Variants in EP400 observed in about 807,000 individuals in gnomAD.
EP400 encodes the protein E1A binding protein p400.
Under a neutral mutation model 354.1 loss-of-function variants are expected in EP400, and 105 were observed. That is an observed-to-expected ratio of 0.30 (90% confidence interval 0.25 to 0.35). The LOEUF is 0.35. Ranked by LOEUF, EP400 falls within the 10% of genes least tolerant of loss-of-function variation. The pLI, the probability that EP400 is intolerant of heterozygous loss-of-function variation, is 1.00. For synonymous variants in EP400, 1,646 were observed against 1,716.9 expected (o/e 0.96, Z 1.02); for missense variants, 3,280 against 4,121.0 (o/e 0.80, Z 5.59).
rs1893822898 is a variant in EP400 at position 132,013,264 on chromosome 12, C to T, written c.3611+86C>T. 6 of 1,483,042 alleles carry T rather than the reference C, an allele frequency of 4.0e-6. No homozygotes were observed. The highest frequency in any genetic ancestry group is 4.5e-6 in the Non-Finnish European group (5 of 1,106,200). The allele number at this position is 1,483,042 out of a possible 1,614,324, so 91.9% of individuals were successfully genotyped here. A position where few individuals can be genotyped will look rare whatever the true frequency, so the allele number is the denominator to read the frequency against. Reference sequence around the variant, plus strand: ...GAAGAAATCTGCATAATTGCAGACACAAACAATGGCCTTTGAGCTAGAGAA... The same window carrying T: ...GAAGAAATCTGCATAATTGCAGACATAAACAATGGCCTTTGAGCTAGAGAA... On this transcript the variant is annotated intron_variant, in intron 17 of 52. Transcript: ENST00000389561. This position sits in a 1 kb window ranked among gnomAD's most constrained non-coding sequence, Gnocchi z 4.5.
rs958454661 is a variant in EP400 at position 131,960,114 on chromosome 12, G to A, written c.-35-471G>A. On this transcript the variant is annotated intron_variant, in intron 1 of 52. Coordinates refer to ENST00000389561, the MANE Select transcript of EP400 (RefSeq NM_015409.5). ...GAGTTGTCCCTCCATAGGGAGAGAC[G>A]GGCGGAAGCCGGAAAGTCCACAGCG... is the stretch of plus-strand genomic sequence containing the variant. 6.6e-5 allele frequency among the ~76,000 whole-genome samples: 10 copies of A among 152,352 alleles called. No homozygotes were observed. In the South Asian group the frequency reaches 1.2e-3, roughly 19 times the overall value.
chr12:132,029,545 C>T lies in EP400; in HGVS notation c.5382-156C>T, dbSNP rs971889079. 40 of 776,220 alleles carry T rather than the reference C, an allele frequency of 5.2e-5. No homozygotes were observed. The highest frequency in any genetic ancestry group is 3.2e-4 in the South Asian group (18 of 56,696). 48.1% of individuals were successfully genotyped at this position (776,220 alleles called of 1,614,324 possible). On this transcript the variant is annotated intron_variant, in intron 27 of 52. Coordinates refer to ENST00000389561, the MANE Select transcript of EP400 (RefSeq NM_015409.5). This position sits in a 1 kb window ranked among gnomAD's most constrained non-coding sequence, Gnocchi z 4.7. ...GGATCTGCCTCGTTGGGCCCCTGCC[C>T]GTGTGCCAACACCCACATCCCCATG...
At chr12:131,968,999 A>AT (rs1347656057) in intron 2 of EP400, among the ~76,000 whole-genome samples, 3 of 149,474 alleles carry the variant, frequency 2.0e-5, no homozygotes, top group African/African-American at 4.9e-5. Context: ...ATAGAGCAGG[A>AT]TTTTTTTTCT....
rs975161896 is a variant in EP400, at chr12:132,067,870, G to A, written c.8874+384G>A. Among the ~76,000 whole-genome samples, 1 of 152,284 alleles carries A rather than the reference G, an allele frequency of 6.6e-6. No individual in the cohort carries two copies. The highest frequency in any genetic ancestry group is 6.5e-5 in the Admixed American group (1 of 15,308). ...ACAGGACCCGCCTGGACTCCTGCTG[G>A]AGGACAGGGATGCCGTACAGTCTGG... is the stretch of plus-strand genomic sequence containing the variant. On this transcript the variant is annotated intron_variant, in intron 50 of 52. Coordinates refer to ENST00000389561, the MANE Select transcript of EP400 (RefSeq NM_015409.5). This position sits in a 1 kb window ranked among gnomAD's most constrained non-coding sequence, Gnocchi z 5.3.
rs1363625812 is a variant in EP400, at chr12:131,986,651, T to C, written c.2067T>C (p.Asn689=). Residue 689 remains asparagine, a synonymous_variant, in exon 6 of 53, where the codon AAT becomes AAC. Transcript: ENST00000389561. The part of the protein sequence containing the change: ...GPSPARSSPV[N]RPSSATNKAL... Reference sequence around the variant, plus strand: ...CCCCTGCTCGATCCTCTCCAGTAAATAGACCTTCCTCAGCCACCAATAAGG... The same window carrying C: ...CCCCTGCTCGATCCTCTCCAGTAAACAGACCTTCCTCAGCCACCAATAAGG... 8.7e-6 allele frequency: 14 copies of C among 1,613,986 alleles called. No individual in the cohort carries two copies. Among genetic ancestry groups the C allele is most frequent in the Non-Finnish European group, 1.2e-5 (14 of 1,179,996 alleles).
chr12:132,036,215 G>A (rs1469256253), intron 30 of EP400, among the ~76,000 whole-genome samples: 2 of 147,758 alleles, frequency 1.4e-5, no homozygotes, highest in African/African-American at 2.5e-5. Flanking sequence ...ACACAGCCAG[G>A]TTCACGCGGA....
Position 131,960,951 on chromosome 12 carries a change from G to C in EP400, c.332G>C (p.Arg111Pro). 1 of 1,612,082 alleles carries C rather than the reference G, an allele frequency of 6.2e-7. No homozygotes were observed. Among genetic ancestry groups the C allele is most frequent in the Non-Finnish European group, 8.5e-7 (1 of 1,179,362 alleles). The change falls in exon 2 of 53, where the codon CGG becomes CCG. Residue 111 changes from arginine to proline, a missense_variant. Physicochemically the swap from Arg to Pro is moderately radical, Grantham distance 103. This residue lies in a region of EP400 where 172 missense variants were observed against 242.9 expected (regional missense o/e 0.71). Coordinates refer to ENST00000389561, the MANE Select transcript of EP400 (RefSeq NM_015409.5). ...SPGFQFSAQP[R>P]RFEHGSPSYI... The stretch of plus-strand genomic sequence containing the variant: ...GGCTTCCAGTTCAGCGCTCAGCCTC[G>C]GCGGTTTGAGCATGGGTCTCCATCA...
intron 47 of EP400, among the ~76,000 whole-genome samples, chr12:132,063,864 C>T (rs183154638): frequency 1.3e-5 from 2 of 152,322 alleles, no homozygotes; most frequent in Admixed American, 6.5e-5. Flanking sequence ...CCACTTGTAT[C>T]CTGCGGGACG....
chr12:132,076,132 A>C (rs1215907715), intron 51 of EP400: 2 of 363,186 alleles, frequency 5.5e-6, no homozygotes, highest in East Asian at 7.1e-5. Context: ...TGTACAGCTC[A>C]TTACTGGAAC....
intron 12 of EP400, among the ~76,000 whole-genome samples, chr12:131,999,184 GGTT>G (rs1233069096): frequency 6.6e-6 from 1 of 151,990 alleles, no homozygotes; most frequent in Non-Finnish European, 1.5e-5. Flanking sequence ...GCCTCGGTCA[GGTT>G]GTCTGAGCTC....
At chr12:132,043,779 G>GT in intron 34 of EP400, 51 bp downstream of exon 34, 1 of 1,496,372 alleles carries the variant, frequency 6.7e-7, no homozygotes, top group East Asian at 2.3e-5. Context: ...TATTTTCAGA[G>GT]TTAAGTTTGA....
chr12:132,076,724 A>G, intron 52 of EP400, 131 bp downstream of exon 52: 5 of 784,576 alleles, frequency 6.4e-6, no homozygotes, highest in Non-Finnish European at 1.0e-5. Context: ...CTTCAGGGGA[A>G]AAACTAGATA....
chr12:132,066,736 G>A, intron 48 of EP400, 38 bp from the exon 49 acceptor site: 4 of 1,585,608 alleles, frequency 2.5e-6, no homozygotes, highest in Non-Finnish European at 3.4e-6. Context: ...ACCGTGTCCT[G>A]AATTTCTCTG....
At chr12:131,950,961 G>A (rs573272669) in intron 1 of EP400, among the ~76,000 whole-genome samples, 27 of 151,880 alleles carry the variant, frequency 1.8e-4, no homozygotes, top group Admixed American at 1.5e-3. Context: ...GTGCAGTGGC[G>A]CGATCTCGGC....
chr12:132,062,593 A>AGCAGCAGCAGCAG lies in EP400; in HGVS notation c.8226_8227insGCAGCAGCAGCAG (p.Gln2743AlafsTer244). 2 of 1,212,866 alleles carry AGCAGCAGCAGCAG rather than the reference A, an allele frequency of 1.6e-6. No individual in the cohort carries two copies. The highest frequency in any genetic ancestry group is 3.3e-5 in the African/African-American group (2 of 59,932). The allele number at this position is 1,212,866 out of a possible 1,614,324, so 75.1% of individuals were successfully genotyped here. A position where few individuals can be genotyped will look rare whatever the true frequency, so the allele number is the denominator to read the frequency against. On this transcript the variant is annotated frameshift_variant, in exon 47 of 53. Coordinates refer to ENST00000389561, the MANE Select transcript of EP400 (RefSeq NM_015409.5). LOFTEE classifies it high-confidence loss of function. Reference sequence around the variant, plus strand: ...AGCAGCAGCAGCAGCAGCAGCAGCAACAGCAGCAGCAGCAACAGACGACGA... The same window carrying AGCAGCAGCAGCAG: ...AGCAGCAGCAGCAGCAGCAGCAGCAAGCAGCAGCAGCAGCAGCAGCAGCAGCAACAGACGACGA...
intron 2 of EP400, among the ~76,000 whole-genome samples, chr12:131,967,146 G>C (rs551026697): frequency 6.6e-6 from 1 of 151,146 alleles, no homozygotes. Context: ...TTGGGAGGCC[G>C]AAGGGGGGCG....
At position 131,987,724 on chromosome 12, in the gene EP400, G is replaced by A. The variant is rs140402737; in HGVS notation, c.2243G>A (p.Arg748His). The A allele has an allele frequency of 3.3e-5, 53 of 1,608,774 alleles. No homozygotes were observed. In the African/African-American group the frequency reaches 5.1e-4, roughly 15 times the overall value. ...QITLENQVHQ[R>H]IAELRKAGLW... ...CTACAGGAGAACCAGGTGCATCAGCGCATTGCGGAGCTGAGGAAAGCAGGT... is the reference window on the plus strand; with the variant it reads ...CTACAGGAGAACCAGGTGCATCAGCACATTGCGGAGCTGAGGAAAGCAGGT... Residue 748 changes from arginine to histidine, a missense_variant, in exon 7 of 53, where the codon CGC becomes CAC. Arg to His is a conservative substitution (Grantham distance 29, BLOSUM62 0). This residue lies in a region of EP400 where 800 missense variants were observed against 840.0 expected (regional missense o/e 0.95). Coordinates refer to ENST00000389561, the MANE Select transcript of EP400 (RefSeq NM_015409.5).
In EP400 at chr12:132,043,307, C is replaced by A; in HGVS notation, c.6211C>A (p.Leu2071Ile). 6.2e-7 allele frequency: 1 copy of A among 1,609,532 alleles called. No homozygotes were observed. Among genetic ancestry groups the A allele is most frequent in the East Asian group, 2.2e-5 (1 of 44,866 alleles). Reference protein sequence around the residue: ...PKIARPFIEALKSIEYLEEDA... With the variant: ...PKIARPFIEAIKSIEYLEEDA... ...TCTAAACATAGACTTTCCTCAGGCC[C>A]TCAAGAGTATTGAGTATCTGGAGGA... The change falls in exon 33 of 53, where the codon CTC becomes ATC. Residue 2071 changes from leucine to isoleucine, a missense_variant. Physicochemically the swap from Leu to Ile is conservative, Grantham distance 5 (BLOSUM62 2). This residue lies in a region of EP400 where 60 missense variants were observed against 109.9 expected (regional missense o/e 0.55). Transcript: ENST00000389561.
At chr12:131,988,398 G>A (rs1473710018) in intron 7 of EP400, among the ~76,000 whole-genome samples, 1 of 152,200 alleles carries the variant, frequency 6.6e-6, no homozygotes, top group Admixed American at 6.5e-5. Flanking sequence ...GATACCTGCA[G>A]TGCCACAGGT....
Sources: gnomAD v4.1 joint callset for allele counts (sites outside exome capture counted in the v4.1 genomes callset) on GRCh38, gnomAD v4.1.1 for gene constraint, gnomAD v4.1.1 regional missense constraint, Gnocchi (gnomAD v3.1) non-coding constraint, MANE v1.5 for transcripts, NCBI Gene and HGNC (gene_info 2026-07-23, HGNC 2026-07-21) for gene names.